CPA6: variants seen among roughly 807,000 people sequenced by gnomAD.
CPA6 encodes the protein carboxypeptidase A6.
CPA6 carries 58 observed loss-of-function variants against 63.3 expected under a neutral mutation model. That is an observed-to-expected ratio of 0.92 (90% CI 0.74 to 1.14). The LOEUF is 1.14. Ranked by LOEUF, CPA6 falls within the 50% of genes most tolerant of loss-of-function variation. The pLI is 0.00. For missense variants in CPA6, 565 were observed against 526.6 expected (o/e 1.07, Z -0.71); for synonymous variants, 185 against 179.0 (o/e 1.03, Z -0.27).
chr8:67,500,320 C>A (rs964749983), intron 6 of CPA6, among the ~76,000 whole-genome samples: 3 of 152,066 alleles, frequency 2.0e-5, no homozygotes, highest in Non-Finnish European at 2.9e-5. Context: ...TGCTTATTTG[C>A]CATCTGTATA....
At chr8:67,715,310 C>T (rs948313135) in intron 1 of CPA6, among the ~76,000 whole-genome samples, 10 of 152,196 alleles carry the variant, frequency 6.6e-5, no homozygotes, top group Non-Finnish European at 1.5e-5. Flanking sequence ...ACTGGGGGTT[C>T]CCATGACCCC....
chr8:67,551,328 C>T (rs1435297659), intron 2 of CPA6, among the ~76,000 whole-genome samples: 1 of 151,976 alleles, frequency 6.6e-6, no homozygotes, highest in African/African-American at 2.4e-5. Context: ...AATGAGATGG[C>T]TGTATGTGTG....
At chr8:67,446,035 C>T (rs187922418) in intron 8 of CPA6, among the ~76,000 whole-genome samples, 3 of 152,180 alleles carry the variant, frequency 2.0e-5, no homozygotes, top group South Asian at 2.1e-4. Flanking sequence ...GAGGCCGGGG[C>T]GGGCGGATCA....
intron 2 of CPA6, among the ~76,000 whole-genome samples, chr8:67,620,735 T>A (rs555273821): frequency 6.6e-6 from 1 of 152,324 alleles, no homozygotes; most frequent in African/African-American, 2.4e-5. Context: ...TGCTTTTAGA[T>A]AGAAATTTAT....
chr8:67,725,750 A>G (rs1396357757), intron 1 of CPA6, among the ~76,000 whole-genome samples: 1 of 152,138 alleles, frequency 6.6e-6, no homozygotes, highest in Non-Finnish European at 1.5e-5. Context: ...GTCTCAAGCA[A>G]TCTTGGCCTC....
intron 8 of CPA6, among the ~76,000 whole-genome samples, chr8:67,451,608 T>C (rs1023700804): frequency 6.6e-6 from 1 of 152,194 alleles, no homozygotes; most frequent in Admixed American, 6.5e-5. Flanking sequence ...CACTCTCCAG[T>C]CTGTGGAAAA....
In CPA6 at chr8:67,447,113, T is replaced by TAC. The variant is rs1182335109; in HGVS notation, c.839-12875_839-12874dup. On this transcript the variant is annotated intron_variant, in intron 8 of 10. Coordinates refer to ENST00000297770, the MANE Select transcript of CPA6 (RefSeq NM_020361.5). ...ACACACATATATATACACATATATATACACACACACACATATATATATACA... is the reference window on the plus strand; with the variant it reads ...ACACACATATATATACACATATATATACACACACACACACATATATATATACA... Among the ~76,000 whole-genome samples, 101 of 151,602 alleles carry TAC rather than the reference T, an allele frequency of 6.7e-4. 1 individual carries two copies. The highest frequency in any genetic ancestry group is 2.5e-3 in the South Asian group (12 of 4,798).
At chr8:67,580,470 GC>G (rs1389351476) in intron 2 of CPA6, among the ~76,000 whole-genome samples, 1 of 152,172 alleles carries the variant, frequency 6.6e-6, no homozygotes, top group Admixed American at 6.5e-5. Context: ...TAGTTTAGAA[GC>G]CTCAATGTCT....
chr8:67,523,838 A>G lies in CPA6; in HGVS notation c.193-5791T>C, dbSNP rs146043535. 1.3e-5 allele frequency among the ~76,000 whole-genome samples: 2 copies of G among 152,324 alleles called. 1 individual carries two copies. Among genetic ancestry groups the G allele is most frequent in the Non-Finnish European group, 2.9e-5 (2 of 68,022 alleles). ...TATACACAGATGTGGGAAGATGTGT[A>G]AGGTGCTCTGTCAACTTGGTAACAG... On this transcript the variant is annotated intron_variant, in intron 2 of 10. Transcript: ENST00000297770.
At position 67,506,823 on chromosome 8, in the gene CPA6, C is replaced by T; in HGVS notation, c.600G>A (p.Trp200Ter). ...WIDCGIHARE[W>*]IGPAFCQWFV... is the part of the protein sequence containing the mutation. ...ACCACTGACAAAAGGCAGGACCAAT[C>T]CATTCTCTTGCATGAATACCACAGT... Residue 200 changes from tryptophan to a stop codon, truncating the protein, a stop_gained, in exon 6 of 11, where the codon TGG becomes TGA. Coordinates refer to ENST00000297770, the MANE Select transcript of CPA6 (RefSeq NM_020361.5). LOFTEE classifies it high-confidence loss of function. 1 of 1,613,404 alleles carries T rather than the reference C, an allele frequency of 6.2e-7. No individual in the cohort carries two copies. The highest frequency in any genetic ancestry group is 8.5e-7 in the Non-Finnish European group (1 of 1,179,440).
intron 8 of CPA6, among the ~76,000 whole-genome samples, chr8:67,453,349 C>T (rs1203923661): frequency 1.3e-5 from 2 of 152,046 alleles, no homozygotes; most frequent in East Asian, 3.9e-4. Context: ...GGGTTTAAGG[C>T]CTGAGTAACT....
chr8:67,635,968 C>T (rs767407450), intron 1 of CPA6, among the ~76,000 whole-genome samples: 1 of 151,392 alleles, frequency 6.6e-6, no homozygotes, highest in Non-Finnish European at 1.5e-5. Context: ...ATCTATTTTC[C>T]TGTCTGAAAC....
At chr8:67,503,029 C>CTATT (rs546347296) in intron 6 of CPA6, among the ~76,000 whole-genome samples, 32 of 151,934 alleles carry the variant, frequency 2.1e-4, no homozygotes, top group African/African-American at 7.2e-4. Context: ...TTTTTAATTT[C>CTATT]TATTTATTTA....
intron 2 of CPA6, among the ~76,000 whole-genome samples, chr8:67,621,847 G>T (rs749424989): frequency 6.6e-6 from 1 of 151,972 alleles, no homozygotes; most frequent in Non-Finnish European, 1.5e-5. Context: ...CCAGGTGGCC[G>T]CCTTTCTTTG....
chr8:67,687,399 G>C (rs1394312156), intron 1 of CPA6, among the ~76,000 whole-genome samples: 1 of 152,186 alleles, frequency 6.6e-6, no homozygotes, highest in Non-Finnish European at 1.5e-5. Flanking sequence ...CAAAGCAGTG[G>C]ACTTGTGGTG....
chr8:67,463,856 A>G (rs1810867435), intron 8 of CPA6, among the ~76,000 whole-genome samples: 1 of 152,194 alleles, frequency 6.6e-6, no homozygotes, highest in Non-Finnish European at 1.5e-5. Flanking sequence ...ACATGATTTC[A>G]TTCTTTTTTA....
At chr8:67,488,554 A>G (rs1811536434) in intron 6 of CPA6, among the ~76,000 whole-genome samples, 1 of 152,176 alleles carries the variant, frequency 6.6e-6, no homozygotes, top group South Asian at 2.1e-4. Flanking sequence ...TTGGTTCCAT[A>G]TGAACTTCAA....
In CPA6 at chr8:67,594,102, T is replaced by C. The variant is rs888664026; in HGVS notation, c.192+30074A>G. 2.5e-4 allele frequency among the ~76,000 whole-genome samples: 38 copies of C among 152,248 alleles called. No homozygotes were observed. The East Asian group carries it at 3.5e-3, about 14-fold the overall frequency. ...TGGTGGTGACAAAATCTCTCAGCAT[T>C]TGCTTGTCTGTAAAGGATTTCATTT... On this transcript the variant is annotated intron_variant, in intron 2 of 10. Coordinates refer to ENST00000297770, the MANE Select transcript of CPA6 (RefSeq NM_020361.5).
At chr8:67,586,479 G>A (rs897215521) in intron 2 of CPA6, among the ~76,000 whole-genome samples, 3 of 152,132 alleles carry the variant, frequency 2.0e-5, no homozygotes, top group Non-Finnish European at 4.4e-5. Flanking sequence ...GTATAAACAA[G>A]AGCTACGAGT....
Sources: gnomAD v4.1 joint callset for allele counts (sites outside exome capture counted in the v4.1 genomes callset) on GRCh38, gnomAD v4.1.1 for gene constraint, MANE v1.5 for transcripts, NCBI Gene and HGNC (gene_info 2026-07-23, HGNC 2026-07-21) for gene names.